C16orf92: variants seen among roughly 807,000 people sequenced by gnomAD.
C16orf92 encodes fertilization-influencing membrane protein.
C16orf92 carries 14 observed loss-of-function variants against 13.7 expected under a neutral mutation model. The observed-to-expected ratio is 1.02, with a 90% CI of 0.67 to 1.60. The LOEUF is 1.60. Among genes scored for constraint, C16orf92 ranks in the 40% most tolerant of loss-of-function variants. The pLI is 0.00. For missense variants in C16orf92, 116 were observed against 139.0 expected (o/e 0.83, Z 0.83); for synonymous variants, 50 against 57.4 (o/e 0.87, Z 0.58).
At chr16:30,024,141 G>A (rs1196893896) in intron 3 of C16orf92, 55 bp downstream of exon 3, 3 of 1,609,352 alleles carry the variant, frequency 1.9e-6, no homozygotes, top group African/African-American at 1.3e-5. Flanking sequence ...CTTGGGAGCG[G>A]CTGAAGACCC....
chr16:30,023,228 T>G lies in C16orf92; in HGVS notation c.-113T>G. 1.1e-6 allele frequency: 1 copy of G among 875,214 alleles called. No homozygotes were observed. Among genetic ancestry groups the G allele is most frequent in the Non-Finnish European group, 1.8e-6 (1 of 548,576 alleles). The allele number at this position is 875,214 out of a possible 1,614,324, so 54.2% of individuals were successfully genotyped here. On this transcript the variant is annotated 5_prime_UTR_variant, in exon 1 of 4. Transcript: ENST00000681219. ...TTCTCCTCTCCTCTTCTGATGAGAG[T>G]GAGGGATGGGGGAGGGGTCCCAGCT...
chr16:30,024,450 T>C lies in C16orf92; in HGVS notation c.*223T>C, dbSNP rs1218717651. 1 of 641,796 alleles carries C rather than the reference T, an allele frequency of 1.6e-6. No individual in the cohort carries two copies. Among genetic ancestry groups the C allele is most frequent in the African/African-American group, 1.8e-5 (1 of 54,642 alleles). The allele number at this position is 641,796 out of a possible 1,614,324, so 39.8% of individuals were successfully genotyped here. A position where few individuals can be genotyped will look rare whatever the true frequency, so the allele number is the denominator to read the frequency against. On this transcript the variant is annotated 3_prime_UTR_variant, in exon 4 of 4. Transcript: ENST00000681219. The stretch of plus-strand genomic sequence containing the variant: ...GGTGGCGTTCACGCAGATCGTCTTT[T>C]ATTAGCGGTCTGTAAAGCACCTCCC...
At chr16:30,023,485 G>A in intron 1 of C16orf92, 81 bp downstream of exon 1, 1 of 1,456,306 alleles carries the variant, frequency 6.9e-7, no homozygotes, top group Non-Finnish European at 9.5e-7. Flanking sequence ...GGACTCGGAA[G>A]CCAACCCTGC....
chr16:30,023,270 C>A lies in C16orf92; in HGVS notation c.-71C>A. On this transcript the variant is annotated 5_prime_UTR_variant, in exon 1 of 4. Transcript: ENST00000681219. ...GTCCCAGCTCCTAGCACTTTCTCCCCTCACCCCAAAGTGCCATCAGAACAG... is the reference window on the plus strand; with the variant it reads ...GTCCCAGCTCCTAGCACTTTCTCCCATCACCCCAAAGTGCCATCAGAACAG... 1 of 1,407,884 alleles carries A rather than the reference C, an allele frequency of 7.1e-7. No individual in the cohort carries two copies. The highest frequency in any genetic ancestry group is 9.8e-7 in the Non-Finnish European group (1 of 1,017,816). 87.2% of individuals were successfully genotyped at this position (1,407,884 alleles called of 1,614,324 possible).
At position 30,023,206 on chromosome 16, in the gene C16orf92, TC is replaced by T; in HGVS notation, c.-133del. 1 of 730,658 alleles carries T rather than the reference TC, an allele frequency of 1.4e-6. No individual in the cohort carries two copies. Among genetic ancestry groups the T allele is most frequent in the Non-Finnish European group, 2.3e-6 (1 of 434,312 alleles). 45.3% of individuals were successfully genotyped at this position (730,658 alleles called of 1,614,324 possible). On this transcript the variant is annotated 5_prime_UTR_variant, in exon 1 of 4. Transcript: ENST00000681219. ...TGAAGACTGGTCCCAACCTCTCTTCTCCTCTCCTCTTCTGATGAGAGTGAGG... is the reference window on the plus strand; with the variant it reads ...TGAAGACTGGTCCCAACCTCTCTTCTCTCTCCTCTTCTGATGAGAGTGAGG...
downstream of C16orf92, chr16:30,025,179 G>A (rs1393963639): frequency 1.2e-5 from 17 of 1,444,696 alleles, no homozygotes; most frequent in Admixed American, 2.9e-5. This position sits in a 1 kb window ranked among gnomAD's most constrained non-coding sequence, Gnocchi z 4.1. Flanking sequence ...CCCGGCCCCC[G>A]GCCTCAGTCC....
chr16:30,026,781 G>A (rs932287862), downstream of C16orf92: 11 of 1,614,156 alleles, frequency 6.8e-6, no homozygotes, highest in Non-Finnish European at 9.3e-6. Context: ...GAGGAACATG[G>A]CGTAGATGTC....
At chr16:30,025,443 G>A (rs750702943), downstream of C16orf92, 11 of 1,612,710 alleles carry the variant, frequency 6.8e-6, no homozygotes, top group South Asian at 1.1e-4. This position sits in a 1 kb window ranked among gnomAD's most constrained non-coding sequence, Gnocchi z 4.1. Flanking sequence ...TTCACCTTGT[G>A]CAGCAGTGTG....
chr16:30,025,509 TCGGCCCCCCTTGG>T (rs774273298), downstream of C16orf92: 3 of 1,605,402 alleles, frequency 1.9e-6, no homozygotes, highest in Non-Finnish European at 1.7e-6. The surrounding 1 kb of genome is among the most constrained non-coding windows in gnomAD (Gnocchi z 4.1). Context: ...GCAGAAGGGC[TCGGCCCCCCTTGG>T]CCCTCTCCCT....
downstream of C16orf92, among the ~76,000 whole-genome samples, chr16:30,026,421 G>A (rs2150975305): frequency 6.6e-6 from 1 of 152,246 alleles, no homozygotes; most frequent in Non-Finnish European, 1.5e-5. Context: ...GGGCCAGGCT[G>A]CCCCCACACC....
chr16:30,025,622 G>A (rs542473095), downstream of C16orf92: 17 of 1,471,368 alleles, frequency 1.2e-5, no homozygotes, highest in African/African-American at 1.4e-4. This position sits in a 1 kb window ranked among gnomAD's most constrained non-coding sequence, Gnocchi z 4.1. Context: ...ACGGGGTGAG[G>A]GGGGGATGAC....
downstream of C16orf92, chr16:30,025,165 G>A (rs2071052567): frequency 7.1e-7 from 1 of 1,418,102 alleles, no homozygotes; most frequent in Non-Finnish European, 9.2e-7. The surrounding 1 kb of genome is among the most constrained non-coding windows in gnomAD (Gnocchi z 4.1). Flanking sequence ...GGGAGGGGGA[G>A]GGTCCCGGCC....
Position 30,024,053 on chromosome 16 carries a change from T to A in C16orf92, c.278T>A (p.Phe93Tyr). 4.3e-6 allele frequency: 7 copies of A among 1,613,790 alleles called. No individual in the cohort carries two copies. The highest frequency in any genetic ancestry group is 5.9e-6 in the Non-Finnish European group (7 of 1,179,812). The change falls in exon 3 of 4, where the codon TTC becomes TAC. Residue 93 changes from phenylalanine (F) to tyrosine (Y), a missense_variant. Transcript: ENST00000681219. ...CTGGTGGGCTTGCTGGTGGTGGCGT[T>A]CTTCTTTCTCCTTTTCCAGTTCTGC... ...HILVGLLVVA[F>Y]FFLLFQFCTH...
downstream of C16orf92, chr16:30,025,178 C>T (rs1166945823): frequency 3.5e-6 from 5 of 1,442,804 alleles, no homozygotes; most frequent in Admixed American, 2.9e-5. The surrounding 1 kb of genome is among the most constrained non-coding windows in gnomAD (Gnocchi z 4.1). Context: ...TCCCGGCCCC[C>T]GGCCTCAGTC....
intron 3 of C16orf92, 57 bp from the exon 4 acceptor site, chr16:30,024,149 C>G: frequency 6.2e-7 from 1 of 1,611,106 alleles, no homozygotes; most frequent in African/African-American, 1.3e-5. Flanking sequence ...CGGCTGAAGA[C>G]CCCAGTTCTA....
Position 30,023,318 on chromosome 16 carries a change from G to GC in C16orf92, c.-18dup. 6.3e-7 allele frequency: 1 copy of GC among 1,584,482 alleles called. No homozygotes were observed. The highest frequency in any genetic ancestry group is 1.3e-5 in the African/African-American group (1 of 74,788). ...CAGCTCTGGGCTGTGACATCACAGA[G>GC]CCCCCACCTCATGATAGGAGTCATG... On this transcript the variant is annotated 5_prime_UTR_variant, in exon 1 of 4. Coordinates refer to ENST00000681219, the MANE Select transcript of C16orf92 (RefSeq NM_001109659.2).
downstream of C16orf92, chr16:30,026,786 G>C (rs1262187585): frequency 1.9e-6 from 3 of 1,614,062 alleles, no homozygotes; most frequent in East Asian, 4.5e-5. Flanking sequence ...ACATGGCGTA[G>C]ATGTCGTAGA....
At chr16:30,024,984 G>C (rs570711177), downstream of C16orf92, 409 of 511,758 alleles carry the variant, frequency 8.0e-4, 6 homozygotes, top group Non-Finnish European at 1.3e-4. Context: ...GTGCAGGAAG[G>C]GGGCAGAGTA....
downstream of C16orf92, chr16:30,024,791 C>A: frequency 4.7e-6 from 1 of 214,610 alleles, no homozygotes; most frequent in Non-Finnish European, 9.1e-6. Flanking sequence ...GGCGTCCTCT[C>A]CTCTCGGGTG....
Sources: gnomAD v4.1 joint callset for allele counts (sites outside exome capture counted in the v4.1 genomes callset) on GRCh38, gnomAD v4.1.1 for gene constraint, Gnocchi (gnomAD v3.1) non-coding constraint, MANE v1.5 for transcripts, NCBI Gene and HGNC (gene_info 2026-07-23, HGNC 2026-07-21) for gene names.